The following HACD2 variants were observed in gnomAD, a reference collection of about 807,000 sequenced individuals.
HACD2 encodes 3-hydroxyacyl-CoA dehydratase 2.
In HACD2, 15 loss-of-function variants were observed where a neutral mutation model predicts 31.0. That is an observed-to-expected ratio of 0.48 (90% CI 0.32 to 0.75). HACD2 has a LOEUF of 0.75. Ranked by LOEUF, HACD2 falls within the 30% of genes least tolerant of loss-of-function variation. The probability of loss-of-function intolerance (pLI) is 0.03; values close to 1 mark genes in which losing one functional copy is unlikely to be tolerated. For synonymous variants in HACD2, 115 were observed against 122.2 expected (o/e 0.94, Z 0.39); for missense variants, 283 against 313.0 (o/e 0.90, Z 0.72).
chr3:123,507,571 A>G (rs183528920), intron 4 of HACD2, among the ~76,000 whole-genome samples: 50 of 152,272 alleles, frequency 3.3e-4, no homozygotes, highest in African/African-American at 1.1e-3. Context: ...AAATCTAGAG[A>G]CAGAAAGTAG....
intron 4 of HACD2, among the ~76,000 whole-genome samples, chr3:123,509,570 C>T (rs1464207026): frequency 2.0e-5 from 3 of 150,140 alleles, no homozygotes; most frequent in East Asian, 2.0e-4. Context: ...GTGATCTCAG[C>T]TCACTGCAAG....
intron 3 of HACD2, among the ~76,000 whole-genome samples, chr3:123,557,150 T>C (rs1576224790): frequency 6.6e-6 from 1 of 152,348 alleles, no homozygotes; most frequent in East Asian, 1.9e-4. Context: ...TATCACTGCC[T>C]GAGCTCCACC....
chr3:123,548,217 G>A (rs1342541012), intron 3 of HACD2, among the ~76,000 whole-genome samples: 1 of 151,930 alleles, frequency 6.6e-6, no homozygotes, highest in Non-Finnish European at 1.5e-5. Flanking sequence ...CAGAAGTAAT[G>A]GTATGTGACT....
intron 5 of HACD2, among the ~76,000 whole-genome samples, chr3:123,501,366 A>G (rs1452763431): frequency 6.6e-6 from 1 of 152,232 alleles, no homozygotes; most frequent in Admixed American, 6.5e-5. Context: ...TATTCCACAA[A>G]GAATTCAGAG....
intron 2 of HACD2, among the ~76,000 whole-genome samples, chr3:123,573,293 A>T (rs1055915901): frequency 5.3e-5 from 8 of 152,054 alleles, no homozygotes; most frequent in Non-Finnish European, 1.2e-4. Context: ...CTGCATCTGA[A>T]TTTTTTCTAC....
At chr3:123,515,858 T>A (rs1177285909) in intron 4 of HACD2, among the ~76,000 whole-genome samples, 1 of 151,642 alleles carries the variant, frequency 6.6e-6, no homozygotes, top group African/African-American at 2.4e-5. Context: ...CCAGTTCAAG[T>A]GATTATCTTG....
At chr3:123,536,840 A>G (rs2056432402) in intron 3 of HACD2, among the ~76,000 whole-genome samples, 1 of 152,186 alleles carries the variant, frequency 6.6e-6, no homozygotes, top group South Asian at 2.1e-4. Context: ...TATCATACCC[A>G]CTCAAGAGGT....
Position 123,584,694 on chromosome 3 carries a change from C to T in HACD2, c.155+179G>A, listed in dbSNP as rs1576254240. 9.2e-6 allele frequency: 4 copies of T among 436,988 alleles called. No individual in the cohort carries two copies. In the East Asian group the frequency reaches 1.5e-4, roughly 16 times the overall value. The allele number at this position is 436,988 out of a possible 1,614,324, so 27.1% of individuals were successfully genotyped here. A position where few individuals can be genotyped will look rare whatever the true frequency, so the allele number is the denominator to read the frequency against. Reference sequence around the variant, plus strand: ...AGCGCAGGAGGGAGCTCGCGGGCAGCCACCGGGGCCGATTCAGCGCTCGGC... The same window carrying T: ...AGCGCAGGAGGGAGCTCGCGGGCAGTCACCGGGGCCGATTCAGCGCTCGGC... On this transcript the variant is annotated intron_variant, in intron 1 of 6. Transcript: ENST00000383657.
At chr3:123,542,343 A>G (rs2056503972) in intron 3 of HACD2, among the ~76,000 whole-genome samples, 1 of 152,152 alleles carries the variant, frequency 6.6e-6, no homozygotes, top group Non-Finnish European at 1.5e-5. Flanking sequence ...ATTAATACTT[A>G]TGATTTTTCT....
chr3:123,507,680 T>C (rs2055994509), intron 4 of HACD2, among the ~76,000 whole-genome samples: 1 of 152,008 alleles, frequency 6.6e-6, no homozygotes, highest in South Asian at 2.1e-4. Flanking sequence ...TATCAAAACA[T>C]CTCATGCACC....
intron 6 of HACD2, among the ~76,000 whole-genome samples, chr3:123,498,969 T>G (rs1466087053): frequency 6.6e-6 from 1 of 152,118 alleles, no homozygotes; most frequent in Non-Finnish European, 1.5e-5. Flanking sequence ...TGGGGAGTGG[T>G]TCCTGGAAGG....
At chr3:123,537,372 G>A (rs1303696834) in intron 3 of HACD2, among the ~76,000 whole-genome samples, 4 of 152,126 alleles carry the variant, frequency 2.6e-5, no homozygotes, top group Non-Finnish European at 5.9e-5. Context: ...TTTGAGACCA[G>A]CCTGGATAAC....
intron 3 of HACD2, among the ~76,000 whole-genome samples, chr3:123,536,223 C>G (rs947158223): frequency 9.2e-5 from 14 of 152,114 alleles, no homozygotes; most frequent in Non-Finnish European, 1.8e-4. Context: ...CCCCCATGTC[C>G]TCAGGGTGTA....
chr3:123,547,794 T>C (rs925142463), intron 3 of HACD2, among the ~76,000 whole-genome samples: 3 of 152,156 alleles, frequency 2.0e-5, no homozygotes, highest in Non-Finnish European at 4.4e-5. Flanking sequence ...TACTAAAAGT[T>C]AACATCTACT....
chr3:123,502,205 C>T (rs1213148434), intron 5 of HACD2, among the ~76,000 whole-genome samples: 1 of 152,156 alleles, frequency 6.6e-6, no homozygotes, highest in Admixed American at 6.5e-5. Context: ...ATCACAATGG[C>T]AGAAGCTCAT....
chr3:123,517,890 A>AAAAATATTTGAAT (rs2056165934), intron 4 of HACD2, among the ~76,000 whole-genome samples: 1 of 152,188 alleles, frequency 6.6e-6, no homozygotes, highest in African/African-American at 2.4e-5. Context: ...TTGGGCTTGT[A>AAAAATATTTGAAT]CAGTGCTTTA....
At chr3:123,563,644 T>TATACACAC (rs372632504) in intron 3 of HACD2, among the ~76,000 whole-genome samples, 3 of 112,000 alleles carry the variant, frequency 2.7e-5, no homozygotes. Context: ...AAAATATATA[T>TATACACAC]ACACACACAC....
chr3:123,522,451 G>C (rs1048526979), intron 4 of HACD2, among the ~76,000 whole-genome samples: 4 of 151,990 alleles, frequency 2.6e-5, no homozygotes, highest in African/African-American at 9.7e-5. Context: ...GAAAATGTTG[G>C]AAAGGGACAG....
intron 4 of HACD2, among the ~76,000 whole-genome samples, chr3:123,504,784 A>G (rs761194571): frequency 6.6e-6 from 1 of 152,248 alleles, no homozygotes; most frequent in Non-Finnish European, 1.5e-5. Context: ...CATTTCTTCC[A>G]ATCAATAGGA....
Sources: gnomAD v4.1 joint callset for allele counts (sites outside exome capture counted in the v4.1 genomes callset) on GRCh38, gnomAD v4.1.1 for gene constraint, MANE v1.5 for transcripts, NCBI Gene and HGNC (gene_info 2026-07-23, HGNC 2026-07-21) for gene names.